The following KIAA0825 variants were observed in gnomAD, a reference collection of about 807,000 sequenced individuals.
KIAA0825 encodes the protein KIAA0825.
A neutral mutation model predicts 147.6 loss-of-function variants in KIAA0825; 119 were observed. The ratio of observed to expected loss-of-function variants is 0.81; its 90% CI spans 0.69 to 0.94. The LOEUF is 0.94. Among genes scored for constraint, KIAA0825 ranks in the 40% least tolerant of loss-of-function variants. The pLI is 0.00. For missense variants in KIAA0825, 1,381 were observed against 1,472.7 expected (o/e 0.94, Z 1.02); for synonymous variants, 470 against 518.1 (o/e 0.91, Z 1.26).
chr5:94,580,816 C>T lies in KIAA0825; in HGVS notation c.-2+1617G>A, dbSNP rs1336173375. 5.4e-4 allele frequency among the ~76,000 whole-genome samples: 22 copies of T among 40,738 alleles called. 4 individuals are homozygous for T. The highest frequency in any genetic ancestry group is 4.5e-5 in the Non-Finnish European group (1 of 22,280). The allele number at this position is 40,738 out of a possible 152,430, so 26.7% of individuals were successfully genotyped here. A position where few individuals can be genotyped will look rare whatever the true frequency, so the allele number is the denominator to read the frequency against. On this transcript the variant is annotated intron_variant, in intron 2 of 20. Coordinates refer to ENST00000682413, the MANE Select transcript of KIAA0825 (RefSeq NM_001145678.3). ...GCGTGAACCCGGGAGGCGGAGCTTGCAGTGAGCCGAGATCCCGCCACTGCA... is the reference window on the plus strand; with the variant it reads ...GCGTGAACCCGGGAGGCGGAGCTTGTAGTGAGCCGAGATCCCGCCACTGCA...
chr5:94,251,224 A>C (rs1446561393), intron 20 of KIAA0825, among the ~76,000 whole-genome samples: 1 of 152,086 alleles, frequency 6.6e-6, no homozygotes, highest in Non-Finnish European at 1.5e-5. Context: ...AGGGGAAAAA[A>C]CTGCAAGATC....
At chr5:94,252,376 T>C (rs1280452398) in intron 20 of KIAA0825, among the ~76,000 whole-genome samples, 4 of 151,980 alleles carry the variant, frequency 2.6e-5, no homozygotes, top group African/African-American at 9.7e-5. Context: ...GCTTTACTTA[T>C]TTAAATGCTA....
chr5:94,366,884 G>C (rs1231270950), intron 20 of KIAA0825, among the ~76,000 whole-genome samples: 1 of 152,208 alleles, frequency 6.6e-6, no homozygotes, highest in Non-Finnish European at 1.5e-5. Flanking sequence ...TTACTGTTGT[G>C]TCCGGTTTCT....
At chr5:94,169,485 G>C (rs1768386481) in intron 20 of KIAA0825, among the ~76,000 whole-genome samples, 1 of 151,832 alleles carries the variant, frequency 6.6e-6, no homozygotes, top group African/African-American at 2.4e-5. Flanking sequence ...GGGAGGCTGA[G>C]GCGGGAGAAT....
At position 94,520,464 on chromosome 5, in the gene KIAA0825, A is replaced by G. The variant is rs1010843110; in HGVS notation, c.754T>C (p.Tyr252His). 2 of 1,612,862 alleles carry G rather than the reference A, an allele frequency of 1.2e-6. No homozygotes were observed. Among genetic ancestry groups the G allele is most frequent in the Non-Finnish European group, 8.5e-7 (1 of 1,179,064 alleles). ...HGYQSTMLKL[Y>H]SVIKEDFNTL... ...TTAAAATCCTCTTTTATTACTGAGT[A>G]TAACTTAAGCATTGTACTTTGATAT... Residue 252 changes from tyrosine (Y) to histidine (H), a missense_variant, in exon 5 of 21, where the codon TAC becomes CAC. Physicochemically the swap from Tyr to His is moderately conservative, Grantham distance 83. Transcript: ENST00000682413.
chr5:94,444,035 A>C lies in KIAA0825; in HGVS notation c.2358-3914T>G, dbSNP rs563387163. On this transcript the variant is annotated intron_variant, in intron 13 of 20. Transcript: ENST00000682413. ...GACTTGATACTTATTTTTAACCAAC[A>C]ACCATTATATGGTACTGTGGCCCCA... Among the ~76,000 whole-genome samples, 6 of 152,302 alleles carry C rather than the reference A, an allele frequency of 3.9e-5. No individual in the cohort carries two copies. In the South Asian group the frequency reaches 1.0e-3, roughly 26 times the overall value.
chr5:94,480,394 T>A (rs1263270006), intron 6 of KIAA0825, among the ~76,000 whole-genome samples: 1 of 152,102 alleles, frequency 6.6e-6, no homozygotes, highest in Non-Finnish European at 1.5e-5. Context: ...AAGTTTTCAG[T>A]TTTTTAGAAC....
At chr5:94,293,050 T>TAA (rs200310667) in intron 20 of KIAA0825, among the ~76,000 whole-genome samples, 8 of 150,838 alleles carry the variant, frequency 5.3e-5, no homozygotes, top group Non-Finnish European at 1.0e-4. Context: ...TGTTAATCTT[T>TAA]AAAAAAAAAC....
At chr5:94,262,304 G>A (rs1035317157) in intron 20 of KIAA0825, among the ~76,000 whole-genome samples, 1 of 151,992 alleles carries the variant, frequency 6.6e-6, no homozygotes, top group Non-Finnish European at 1.5e-5. Flanking sequence ...AAGAAGCCCT[G>A]TCATATACTA....
chr5:94,531,297 G>A (rs1400113810), intron 3 of KIAA0825, among the ~76,000 whole-genome samples: 2 of 152,160 alleles, frequency 1.3e-5, no homozygotes, highest in Non-Finnish European at 2.9e-5. Flanking sequence ...GGAGAAAGGA[G>A]TAAGTATCAC....
At chr5:94,194,115 C>G (rs561816314) in intron 20 of KIAA0825, among the ~76,000 whole-genome samples, 1 of 152,284 alleles carries the variant, frequency 6.6e-6, no homozygotes, top group Admixed American at 6.5e-5. Flanking sequence ...CCAGGGCTCA[C>G]TTTGGAGATA....
In KIAA0825 at chr5:94,296,566, T is replaced by C. The variant is rs190388275; in HGVS notation, c.3710+87802A>G. 1.7e-4 allele frequency among the ~76,000 whole-genome samples: 26 copies of C among 152,306 alleles called. No individual in the cohort carries two copies. In the South Asian group the frequency reaches 2.3e-3, roughly 13 times the overall value. ...CTGAGGGAATCTCCTGGTCTGGGGT[T>C]GCAAAGATGATGGGAAAAGCATAGT... On this transcript the variant is annotated intron_variant, in intron 20 of 20. Coordinates refer to ENST00000682413, the MANE Select transcript of KIAA0825 (RefSeq NM_001145678.3).
At chr5:94,399,765 TTTC>T (rs1183571636) in intron 16 of KIAA0825, among the ~76,000 whole-genome samples, 5 of 152,124 alleles carry the variant, frequency 3.3e-5, no homozygotes, top group Admixed American at 2.0e-4. Flanking sequence ...GTATTTGTCA[TTTC>T]TTCTTTTCTG....
At chr5:94,375,503 G>C (rs1324714499) in intron 20 of KIAA0825, among the ~76,000 whole-genome samples, 1 of 152,040 alleles carries the variant, frequency 6.6e-6, no homozygotes, top group Admixed American at 6.5e-5. Context: ...GTCACTCCTT[G>C]GCTTAAAGGC....
At chr5:94,246,396 GGTCTCCTC>G (rs1160559031) in intron 20 of KIAA0825, among the ~76,000 whole-genome samples, 1 of 152,014 alleles carries the variant, frequency 6.6e-6, no homozygotes. Flanking sequence ...TAGGGAACCA[GGTCTCCTC>G]CACTCCTTCT....
intron 20 of KIAA0825, among the ~76,000 whole-genome samples, chr5:94,199,255 T>C (rs190265176): frequency 1.4e-3 from 216 of 152,336 alleles, no homozygotes; most frequent in Admixed American, 4.2e-3. Flanking sequence ...TTTACTGTAG[T>C]ATAAGTTGGG....
intron 20 of KIAA0825, among the ~76,000 whole-genome samples, chr5:94,304,185 A>T (rs1778578256): frequency 6.6e-6 from 1 of 152,116 alleles, no homozygotes. Flanking sequence ...GCTAGAAATG[A>T]TAAAAGTCAT....
At chr5:94,164,251 C>A (rs552532558) in intron 20 of KIAA0825, among the ~76,000 whole-genome samples, 9 of 152,152 alleles carry the variant, frequency 5.9e-5, no homozygotes, top group African/African-American at 2.2e-4. Flanking sequence ...CCAAAACAAT[C>A]CTACACAAAA....
intron 20 of KIAA0825, among the ~76,000 whole-genome samples, chr5:94,207,931 C>T (rs1772356315): frequency 6.6e-6 from 1 of 152,048 alleles, no homozygotes. Context: ...TGAACAATTG[C>T]CGAACTGTTC....
Sources: gnomAD v4.1 joint callset for allele counts (sites outside exome capture counted in the v4.1 genomes callset) on GRCh38, gnomAD v4.1.1 for gene constraint, MANE v1.5 for transcripts, NCBI Gene and HGNC (gene_info 2026-07-23, HGNC 2026-07-21) for gene names.